Variants in LIMCH1 observed in about 807,000 individuals in gnomAD.
LIMCH1 encodes LIM and calponin homology domains-containing protein 1.
LIMCH1 carries 113 observed loss-of-function variants against 176.5 expected under a neutral mutation model. That is an observed-to-expected ratio of 0.64 (90% CI 0.55 to 0.75). The LOEUF (loss-of-function observed/expected upper bound fraction) is 0.75. LIMCH1 is among the 30% of genes least tolerant of loss of function. LIMCH1 has a pLI of 0.00. For synonymous variants in LIMCH1, 619 were observed against 645.9 expected (o/e 0.96, Z 0.63); for missense variants, 1,674 against 1,814.9 (o/e 0.92, Z 1.41).
Position 41,569,730 on chromosome 4 carries a change from A to G in LIMCH1, c.-240-29190A>G, listed in dbSNP as rs564611290. 3.6e-4 allele frequency among the ~76,000 whole-genome samples: 55 copies of G among 152,336 alleles called. 1 individual carries two copies. The South Asian group carries it at 0.011, about 31-fold the overall frequency. ...AGTCAAGGACCATATTCAATATTGA[A>G]GTGGGTTTCAAAGATAATGAAACAT... On this transcript the variant is annotated intron_variant, in intron 1 of 31. Transcript: ENST00000503057.
chr4:41,568,372 G>A (rs139040693), intron 1 of LIMCH1, among the ~76,000 whole-genome samples: 1 of 152,200 alleles, frequency 6.6e-6, no homozygotes, highest in South Asian at 2.1e-4. Flanking sequence ...GAGAGCCAAC[G>A]TGACAGCTGA....
chr4:41,415,968 C>T (rs1303779063), intron 1 of LIMCH1, among the ~76,000 whole-genome samples: 2 of 151,132 alleles, frequency 1.3e-5, no homozygotes, highest in Non-Finnish European at 2.9e-5. Flanking sequence ...GAGAGTGAGA[C>T]TCCGTCTCGA....
At chr4:41,608,869 A>G (rs1477674364) in intron 4 of LIMCH1, among the ~76,000 whole-genome samples, 4 of 152,146 alleles carry the variant, frequency 2.6e-5, no homozygotes, top group Admixed American at 1.3e-4. Flanking sequence ...CTCATCTCTT[A>G]TCTCTCCTTA....
In LIMCH1 at chr4:41,584,664, T is replaced by C. The variant is rs553969683; in HGVS notation, c.-240-14256T>C. The stretch of plus-strand genomic sequence containing the variant: ...TATCTCTAGGACTCTGTGATGTGTT[T>C]ATTGCTGTTTTTTTTGTTTGTTTGT... On this transcript the variant is annotated intron_variant, in intron 1 of 31. Coordinates refer to ENST00000503057, the MANE Select transcript of LIMCH1 (RefSeq NM_001330672.2). 2.6e-5 allele frequency among the ~76,000 whole-genome samples: 4 copies of C among 152,208 alleles called. No homozygotes were observed. In the East Asian group the frequency reaches 5.8e-4, roughly 22 times the overall value.
chr4:41,663,133 T>TAGTGTGTG, intron 20 of LIMCH1, 149 bp downstream of exon 20: 3 of 571,546 alleles, frequency 5.2e-6, no homozygotes, highest in Non-Finnish European at 8.5e-6. Flanking sequence ...TTTTTCTTTT[T>TAGTGTGTG]CGTGTGTGTG....
chr4:41,583,485 A>G (rs918691800), intron 1 of LIMCH1, among the ~76,000 whole-genome samples: 8 of 152,226 alleles, frequency 5.3e-5, no homozygotes, highest in East Asian at 1.9e-4. Flanking sequence ...TTTACTGTAT[A>G]AATTAGGTCA....
At chr4:41,401,525 G>C (rs2058437719) in intron 1 of LIMCH1, among the ~76,000 whole-genome samples, 2 of 152,112 alleles carry the variant, frequency 1.3e-5, no homozygotes, top group South Asian at 4.2e-4. Flanking sequence ...GCTCTTTTTT[G>C]GTTTCATATG....
At chr4:41,580,000 A>G (rs758376907) in intron 1 of LIMCH1, among the ~76,000 whole-genome samples, 3 of 152,194 alleles carry the variant, frequency 2.0e-5, no homozygotes, top group Non-Finnish European at 2.9e-5. Context: ...CACCAGGCTC[A>G]TTTAATTTTC....
chr4:41,444,803 A>G (rs1224110608), intron 1 of LIMCH1, among the ~76,000 whole-genome samples: 3 of 152,148 alleles, frequency 2.0e-5, no homozygotes, highest in African/African-American at 7.2e-5. Flanking sequence ...GTGGTTAAGG[A>G]TATAGTCCCC....
rs777885509 is a variant in LIMCH1, at chr4:41,646,582, A to G, written c.2509A>G (p.Ile837Val). 1.9e-6 allele frequency: 3 copies of G among 1,614,228 alleles called. No individual in the cohort carries two copies. Among genetic ancestry groups the G allele is most frequent in the East Asian group, 2.2e-5 (1 of 44,882 alleles). Residue 837 changes from isoleucine (I) to valine (V), a missense_variant, in exon 17 of 32, where the codon ATC becomes GTC. Transcript: ENST00000503057. Reference protein sequence around the residue: ...ILQQYIERFTISEAVLERLEM... With the variant: ...ILQQYIERFTVSEAVLERLEM... ...TCAACAGTACATTGAGAGGTTCACC[A>G]TCAGTGAGGCTGTTCTCGAACGCTT...
Position 41,605,913 on chromosome 4 carries a change from G to A in LIMCH1, c.-83G>A. 1 of 1,613,012 alleles carries A rather than the reference G, an allele frequency of 6.2e-7. No individual in the cohort carries two copies. Among genetic ancestry groups the A allele is most frequent in the Non-Finnish European group, 8.5e-7 (1 of 1,179,202 alleles). The stretch of plus-strand genomic sequence containing the variant: ...CCACAGGTATTAGTTACCATTTACT[G>A]GCTGGGAAAAGCAGCAAACAGCTGC... On this transcript the variant is annotated 5_prime_UTR_variant, in exon 4 of 32. Transcript: ENST00000503057.
intron 1 of LIMCH1, among the ~76,000 whole-genome samples, chr4:41,555,988 G>A (rs1341626210): frequency 1.3e-5 from 2 of 152,050 alleles, no homozygotes; most frequent in African/African-American, 4.8e-5. Context: ...CAGGGGGTCT[G>A]CCTGCCTCAG....
At chr4:41,483,058 C>T (rs146352509) in intron 1 of LIMCH1, among the ~76,000 whole-genome samples, 370 of 152,040 alleles carry the variant, frequency 2.4e-3, no homozygotes, top group African/African-American at 7.7e-3. Flanking sequence ...AGGGCTGGAT[C>T]GAATGAGGGT....
chr4:41,547,161 G>C (rs1446931825), intron 1 of LIMCH1, among the ~76,000 whole-genome samples: 1 of 152,080 alleles, frequency 6.6e-6, no homozygotes, highest in Non-Finnish European at 1.5e-5. Context: ...TTTGTGGTGA[G>C]AACATTTAAA....
chr4:41,474,823 G>A (rs899398417), intron 1 of LIMCH1, among the ~76,000 whole-genome samples: 7 of 152,148 alleles, frequency 4.6e-5, no homozygotes, highest in African/African-American at 1.2e-4. Flanking sequence ...CCACCAATGG[G>A]CATATACCCA....
At chr4:41,458,512 C>T (rs2064891324) in intron 1 of LIMCH1, among the ~76,000 whole-genome samples, 1 of 151,958 alleles carries the variant, frequency 6.6e-6, no homozygotes, top group African/African-American at 2.4e-5. Flanking sequence ...CGTGGTGGCT[C>T]ATGCCTGTAA....
chr4:41,655,697 A>AC (rs1245119810), intron 18 of LIMCH1, among the ~76,000 whole-genome samples: 4 of 146,592 alleles, frequency 2.7e-5, no homozygotes, highest in Non-Finnish European at 6.0e-5. Context: ...CTTTCCCCCC[A>AC]CCTTTTGTAG....
intron 1 of LIMCH1, among the ~76,000 whole-genome samples, chr4:41,574,578 T>C (rs1254633678): frequency 6.6e-6 from 1 of 152,036 alleles, no homozygotes; most frequent in Non-Finnish European, 1.5e-5. Flanking sequence ...CATGAGCCAC[T>C]GTGCCCATCT....
chr4:41,562,308 C>T (rs930105856), intron 1 of LIMCH1, among the ~76,000 whole-genome samples: 2 of 152,094 alleles, frequency 1.3e-5, no homozygotes, highest in African/African-American at 4.8e-5. Context: ...TTACTTTCCC[C>T]TTTCTAGTGT....
Sources: allele counts gnomAD v4.1 joint callset (sites outside exome capture counted in the v4.1 genomes callset), GRCh38; gene constraint gnomAD v4.1.1; transcripts MANE v1.5; gene names NCBI Gene and HGNC (gene_info 2026-07-23, HGNC 2026-07-21).